The following LIN28B variants were observed in gnomAD, a reference collection of about 807,000 sequenced individuals.
LIN28B encodes protein lin-28 homolog B.
A neutral mutation model predicts 21.9 loss-of-function variants in LIN28B; 5 were observed. The ratio of observed to expected loss-of-function variants is 0.23; its 90% CI spans 0.12 to 0.48. The LOEUF (loss-of-function observed/expected upper bound fraction) is 0.48, where lower values mean the gene tolerates loss of function less well. Among genes scored for constraint, LIN28B ranks in the 20% least tolerant of loss-of-function variants. The probability of loss-of-function intolerance (pLI) is 0.98; values close to 1 mark genes in which losing one functional copy is unlikely to be tolerated. For synonymous variants in LIN28B, 109 were observed against 111.3 expected (o/e 0.98, Z 0.13); for missense variants, 245 against 310.5 (o/e 0.79, Z 1.58).
chr6:104,967,803 T>C (rs971797712), intron 2 of LIN28B, among the ~76,000 whole-genome samples: 1 of 152,038 alleles, frequency 6.6e-6, no homozygotes, highest in Non-Finnish European at 1.5e-5. Context: ...CTGAGCCTTC[T>C]GAGTAGCTGG....
chr6:104,973,609 A>T (rs1770023303), intron 2 of LIN28B, among the ~76,000 whole-genome samples: 1 of 152,230 alleles, frequency 6.6e-6, no homozygotes, highest in Non-Finnish European at 1.5e-5. Context: ...CACTCAGCAG[A>T]AAGTGTCTGT....
chr6:105,041,291 C>G (rs1003062056), intron 3 of LIN28B, among the ~76,000 whole-genome samples: 1 of 152,070 alleles, frequency 6.6e-6, no homozygotes, highest in Admixed American at 6.6e-5. Flanking sequence ...GCGAATTTAC[C>G]TTTTCAAATA....
rs114047678 is a variant in LIN28B at position 105,079,299 on chromosome 6, T to A, written c.*516T>A. The A allele has an allele frequency of 6.5e-6, 1 of 152,844 alleles. No homozygotes were observed. Among genetic ancestry groups the A allele is most frequent in the Non-Finnish European group, 1.5e-5 (1 of 68,102 alleles). 9.5% of individuals were successfully genotyped at this position (152,844 alleles called of 1,614,324 possible). A position where few individuals can be genotyped will look rare whatever the true frequency, so the allele number is the denominator to read the frequency against. On this transcript the variant is annotated 3_prime_UTR_variant, in exon 4 of 4. Coordinates refer to ENST00000345080, the MANE Select transcript of LIN28B (RefSeq NM_001004317.4). ...TGTGTGAACCAAAGGATACTTCAGA[T>A]CTCAGAGCTGCCAATTATGGGGTAC...
intron 2 of LIN28B, among the ~76,000 whole-genome samples, chr6:104,947,347 C>G (rs1778168263): frequency 6.6e-6 from 1 of 152,168 alleles, no homozygotes; most frequent in Non-Finnish European, 1.5e-5. Flanking sequence ...TGGTCTCGAA[C>G]TCTGGACCTC....
chr6:105,058,507 T>C (rs1051713727), intron 3 of LIN28B, among the ~76,000 whole-genome samples: 1 of 152,212 alleles, frequency 6.6e-6, no homozygotes, highest in Non-Finnish European at 1.5e-5. Context: ...TTGTTGCTAG[T>C]GTTCTGTAGA....
chr6:104,967,681 A>G (rs1018964430), intron 2 of LIN28B, among the ~76,000 whole-genome samples: 3 of 147,674 alleles, frequency 2.0e-5, no homozygotes, highest in Non-Finnish European at 3.0e-5. Context: ...ATTAATTATT[A>G]TTATTATTAT....
intron 3 of LIN28B, among the ~76,000 whole-genome samples, chr6:105,073,783 T>C (rs1025832797): frequency 1.3e-5 from 2 of 152,220 alleles, no homozygotes; most frequent in African/African-American, 4.8e-5. Context: ...AGAGGGAATA[T>C]ATAACTGATG....
At chr6:104,964,279 C>T (rs769145812) in intron 2 of LIN28B, among the ~76,000 whole-genome samples, 48 of 152,202 alleles carry the variant, frequency 3.2e-4, no homozygotes, top group Non-Finnish European at 5.9e-4. Flanking sequence ...ACTCCCTCCT[C>T]AGCCTCCCTA....
At chr6:104,952,900 A>G (rs190877803), upstream of LIN28B, among the ~76,000 whole-genome samples, 329 of 152,326 alleles carry the variant, frequency 2.2e-3, 3 homozygotes, top group African/African-American at 7.6e-3. Flanking sequence ...TTGCCTCCAG[A>G]CAAGGAAATT....
chr6:104,992,070 G>T (rs1467684215), intron 2 of LIN28B, among the ~76,000 whole-genome samples: 3 of 144,602 alleles, frequency 2.1e-5, no homozygotes, highest in Non-Finnish European at 3.1e-5. Context: ...TTCACATCTT[G>T]TTTTTTTTTT....
At chr6:105,014,305 G>A (rs1770982635) in intron 2 of LIN28B, among the ~76,000 whole-genome samples, 1 of 152,084 alleles carries the variant, frequency 6.6e-6, no homozygotes, top group Non-Finnish European at 1.5e-5. Context: ...GTGCCACTAT[G>A]CCTAGCCAAT....
At chr6:105,064,350 C>T (rs1287004875) in intron 3 of LIN28B, among the ~76,000 whole-genome samples, 1 of 152,058 alleles carries the variant, frequency 6.6e-6, no homozygotes, top group Non-Finnish European at 1.5e-5. Context: ...TGGCTTTTTC[C>T]ACAGTGGGGA....
At chr6:104,980,969 G>A (rs1163731275) in intron 2 of LIN28B, among the ~76,000 whole-genome samples, 1 of 151,860 alleles carries the variant, frequency 6.6e-6, no homozygotes, top group African/African-American at 2.4e-5. Context: ...TGTCTTCTGG[G>A]TGTTTAGCCC....
intron 3 of LIN28B, among the ~76,000 whole-genome samples, chr6:105,053,332 T>A (rs1396243367): frequency 6.6e-6 from 1 of 151,978 alleles, no homozygotes; most frequent in Non-Finnish European, 1.5e-5. Flanking sequence ...GGTTCTATAG[T>A]GTTAATTAGA....
At chr6:105,029,630 A>G (rs1771377018) in intron 3 of LIN28B, among the ~76,000 whole-genome samples, 1 of 152,212 alleles carries the variant, frequency 6.6e-6, no homozygotes. Flanking sequence ...TAGAAGAATG[A>G]ACACATTATA....
intron 2 of LIN28B, among the ~76,000 whole-genome samples, 188 bp downstream of exon 2, chr6:104,958,474 GAGAAA>G (rs1769633101): frequency 6.6e-6 from 1 of 152,110 alleles, no homozygotes; most frequent in Admixed American, 6.5e-5. Context: ...TCTGTCTAAA[GAGAAA>G]AGAAAATATT....
intron 2 of LIN28B, among the ~76,000 whole-genome samples, chr6:104,949,796 G>T (rs1778199116): frequency 6.6e-6 from 1 of 151,962 alleles, no homozygotes; most frequent in Admixed American, 6.6e-5. Context: ...TTGTGTTGTG[G>T]CATCTGCCAA....
intron 2 of LIN28B, among the ~76,000 whole-genome samples, chr6:104,961,432 A>C (rs1769736713): frequency 6.6e-6 from 1 of 151,868 alleles, no homozygotes; most frequent in Non-Finnish European, 1.5e-5. Context: ...GTGGAGTCTC[A>C]CACTGTCACC....
intron 3 of LIN28B, among the ~76,000 whole-genome samples, chr6:105,073,271 G>C (rs1242311955): frequency 6.6e-6 from 1 of 152,150 alleles, no homozygotes; most frequent in Non-Finnish European, 1.5e-5. Context: ...TAGTTGGACT[G>C]TACCAAGGTT....
Sources: gnomAD v4.1 joint callset for allele counts (sites outside exome capture counted in the v4.1 genomes callset) on GRCh38, gnomAD v4.1.1 for gene constraint, MANE v1.5 for transcripts, NCBI Gene and HGNC (gene_info 2026-07-23, HGNC 2026-07-21) for gene names.